Variants in TSHR observed in about 807,000 individuals in gnomAD.
TSHR encodes the protein thyroid stimulating hormone receptor, also known as thyrotropin receptor.
In TSHR, 51 loss-of-function variants were observed where a neutral mutation model predicts 64.1. The ratio of observed to expected loss-of-function variants is 0.80; its 90% CI spans 0.64 to 1.01. The LOEUF is 1.01. Among genes scored for constraint, TSHR ranks in the 50% least tolerant of loss-of-function variants. The pLI is 0.00. For synonymous variants in TSHR, 361 were observed against 361.9 expected (o/e 1.00, Z 0.03); for missense variants, 877 against 942.8 (o/e 0.93, Z 0.91).
intron 9 of TSHR, among the ~76,000 whole-genome samples, chr14:81,142,321 GTGCC>G (rs544660375): frequency 1.9e-3 from 290 of 152,112 alleles, no homozygotes; most frequent in African/African-American, 6.4e-3. Flanking sequence ...CTCAAGTGAT[GTGCC>G]TGCCTTGGCC....
Position 81,065,109 on chromosome 14 carries a change from A to T in TSHR, c.242+2890A>T, listed in dbSNP as rs114874024. Among the ~76,000 whole-genome samples the T allele has an allele frequency of 9.7e-3, 1,479 of 152,194 alleles. 27 individuals carry two copies. The highest frequency in any genetic ancestry group is 0.033 in the African/African-American group (1,386 of 41,518). On this transcript the variant is annotated intron_variant, in intron 2 of 9. Coordinates refer to ENST00000298171, the MANE Select transcript of TSHR (RefSeq NM_000369.5). Reference sequence around the variant, plus strand: ...GGAAACAGGGACTCTCAGCAAAGCGAGAGTCCTCCTAGTCCACTTCCCGCC... The same window carrying T: ...GGAAACAGGGACTCTCAGCAAAGCGTGAGTCCTCCTAGTCCACTTCCCGCC...
At chr14:80,973,206 C>T (rs1887666055) in intron 1 of TSHR, among the ~76,000 whole-genome samples, 2 of 151,822 alleles carry the variant, frequency 1.3e-5, no homozygotes, top group Admixed American at 1.3e-4. Flanking sequence ...GAGATCGAGA[C>T]CATCCTGGCT....
intron 8 of TSHR, among the ~76,000 whole-genome samples, chr14:81,129,749 G>A (rs1891161186): frequency 6.6e-6 from 1 of 152,100 alleles, no homozygotes; most frequent in African/African-American, 2.4e-5. Context: ...ATCTTCCTGT[G>A]TCTATGCCCA....
chr14:80,991,081 CTT>C (rs1888703323), intron 1 of TSHR, among the ~76,000 whole-genome samples: 1 of 152,192 alleles, frequency 6.6e-6, no homozygotes, highest in African/African-American at 2.4e-5. Flanking sequence ...CCATATGTGA[CTT>C]TTAAAAATCA....
intron 1 of TSHR, among the ~76,000 whole-genome samples, chr14:80,967,259 A>ACACACAAG (rs1887367549): frequency 6.7e-6 from 1 of 149,534 alleles, no homozygotes. Flanking sequence ...AGCCACACAC[A>ACACACAAG]CACACAAGCA....
chr14:80,965,173 C>T (rs1317021093), intron 1 of TSHR, among the ~76,000 whole-genome samples: 2 of 152,146 alleles, frequency 1.3e-5, no homozygotes, highest in Non-Finnish European at 1.5e-5. Flanking sequence ...TTGTTACTAA[C>T]AGGCTTCAGA....
At chr14:81,092,689 G>C (rs1438564485) in intron 6 of TSHR, 81 bp downstream of exon 6, 1 of 1,250,790 alleles carries the variant, frequency 8.0e-7, no homozygotes, top group Non-Finnish European at 1.2e-6. Flanking sequence ...CCATCCAAGA[G>C]CCATACTGCC....
rs764330550 is a variant in TSHR, at chr14:81,143,730, G to T, written c.1672G>T (p.Val558Leu). 7 of 1,614,168 alleles carry T rather than the reference G, an allele frequency of 4.3e-6. No homozygotes were observed. The highest frequency in any genetic ancestry group is 5.9e-6 in the Non-Finnish European group (7 of 1,180,044). The change falls in exon 10 of 10, where the codon GTG becomes TTG. Residue 558 changes from valine to leucine, a missense_variant. Physicochemically the swap from Val to Leu is conservative, Grantham distance 32 (BLOSUM62 1). Coordinates refer to ENST00000298171, the MANE Select transcript of TSHR (RefSeq NM_000369.5). The stretch of plus-strand genomic sequence containing the variant: ...CTTCCTTCTCGCCCTGCTTCCTTTG[G>T]TGGGAATAAGTAGCTATGCCAAAGT... ...CCFLLALLPL[V>L]GISSYAKVSI...
rs547709048 is a variant in TSHR at position 80,997,207 on chromosome 14, T to C, written c.170+41357T>C. 2.0e-5 allele frequency among the ~76,000 whole-genome samples: 3 copies of C among 152,290 alleles called. No homozygotes were observed. The East Asian group carries it at 5.8e-4, about 29-fold the overall frequency. Reference sequence around the variant, plus strand: ...GAAACTGGAAGAAGGTGTCTCTGATTCCAAAGCTCCATGCTTTTCATCTGT... The same window carrying C: ...GAAACTGGAAGAAGGTGTCTCTGATCCCAAAGCTCCATGCTTTTCATCTGT... On this transcript the variant is annotated intron_variant, in intron 1 of 9. Coordinates refer to ENST00000298171, the MANE Select transcript of TSHR (RefSeq NM_000369.5).
At chr14:81,116,918 G>T (rs1183402696) in intron 8 of TSHR, among the ~76,000 whole-genome samples, 5 of 143,604 alleles carry the variant, frequency 3.5e-5, no homozygotes, top group African/African-American at 1.3e-4. Context: ...TGAACAACCT[G>T]CTCCTGAATG....
At chr14:81,118,666 GA>G (rs1202735501) in intron 8 of TSHR, among the ~76,000 whole-genome samples, 8 of 152,074 alleles carry the variant, frequency 5.3e-5, no homozygotes, top group Admixed American at 1.3e-4. Flanking sequence ...CACAGAATTG[GA>G]AAAAAACTAC....
Position 81,068,267 on chromosome 14 carries a change from G to C in TSHR, c.256G>C (p.Asp86His), listed in dbSNP as rs2139909769. ...TCTGACATTCAGCTACGTATCTATA[G>C]ATGTGACTCTGCAGCAGCTGGAATC... ...PNISRIYVSI[D>H]VTLQQLESHS... Residue 86 changes from aspartate (D) to histidine (H), a missense_variant, in exon 3 of 10, where the codon GAT (aspartate) becomes CAT (histidine). Transcript: ENST00000298171. 6.2e-7 allele frequency: 1 copy of C among 1,612,852 alleles called. No homozygotes were observed. Among genetic ancestry groups the C allele is most frequent in the Non-Finnish European group, 8.5e-7 (1 of 1,179,264 alleles).
chr14:80,975,373 T>C (rs1887815550), intron 1 of TSHR, among the ~76,000 whole-genome samples: 1 of 152,172 alleles, frequency 6.6e-6, no homozygotes. Context: ...GTTCTTTTGG[T>C]TTCCTCACCC....
chr14:81,057,859 C>G (rs1885936347), intron 1 of TSHR, among the ~76,000 whole-genome samples: 2 of 152,210 alleles, frequency 1.3e-5, no homozygotes, highest in Admixed American at 1.3e-4. Flanking sequence ...ACAATTCAGA[C>G]ATGGTCATGA....
intron 1 of TSHR, among the ~76,000 whole-genome samples, chr14:81,059,387 A>G (rs547651141): frequency 1.3e-5 from 2 of 152,220 alleles, no homozygotes; most frequent in Non-Finnish European, 2.9e-5. Flanking sequence ...AATTTATACC[A>G]AAAGTCAACA....
chr14:81,072,553 T>A (rs937074642), intron 3 of TSHR, among the ~76,000 whole-genome samples: 7 of 151,798 alleles, frequency 4.6e-5, no homozygotes, highest in Admixed American at 2.0e-4. Flanking sequence ...AAGCGAGAAA[T>A]TGGAAGAAAT....
intron 7 of TSHR, chr14:81,104,802 GA>G: frequency 1.0e-6 from 1 of 985,336 alleles, no homozygotes; most frequent in Non-Finnish European, 1.2e-6. Context: ...TCCATGTATG[GA>G]AATCTGACAT....
At chr14:81,082,747 C>T (rs1308068760) in intron 3 of TSHR, among the ~76,000 whole-genome samples, 1 of 152,174 alleles carries the variant, frequency 6.6e-6, no homozygotes, top group Non-Finnish European at 1.5e-5. Context: ...GCTGTGGCAG[C>T]TTCTCTTCTG....
intron 1 of TSHR, chr14:80,959,617 A>G (rs894247818): frequency 6.6e-6 from 1 of 152,150 alleles, no homozygotes; most frequent in African/African-American, 2.4e-5. Flanking sequence ...TATGACAGTA[A>G]CTGCTACATC....
Sources: gnomAD v4.1 joint callset for allele counts (sites outside exome capture counted in the v4.1 genomes callset) on GRCh38, gnomAD v4.1.1 for gene constraint, MANE v1.5 for transcripts, NCBI Gene and HGNC (gene_info 2026-07-23, HGNC 2026-07-21) for gene names.